KANSL1L: variants seen among roughly 807,000 people sequenced by gnomAD.
The protein encoded by KANSL1L is KAT8 regulatory NSL complex subunit 1-like protein.
Under a neutral mutation model 108.6 loss-of-function variants are expected in KANSL1L, and 25 were observed. That is an observed-to-expected ratio of 0.23 (90% CI 0.17 to 0.32). KANSL1L has a LOEUF of 0.32. Among genes scored for constraint, KANSL1L ranks in the 10% least tolerant of loss-of-function variants. The probability of loss-of-function intolerance (pLI) is 1.00; values close to 1 mark genes in which losing one functional copy is unlikely to be tolerated. For synonymous variants in KANSL1L, 405 were observed against 395.1 expected, an observed-to-expected ratio of 1.03 and a Z score of -0.30; for missense variants, 1,137 against 1,125.7, an observed-to-expected ratio of 1.01 and a Z score of -0.14.
chr2:210,024,252 G>A (rs772814257), intron 13 of KANSL1L, 51 bp from the exon 14 acceptor site: 2 of 1,404,360 alleles, frequency 1.4e-6, no homozygotes, highest in Admixed American at 4.6e-5. Flanking sequence ...TTGAGGTCTT[G>A]AAAATTTATG....
chr2:210,056,487 A>G (rs1241018656), intron 6 of KANSL1L, among the ~76,000 whole-genome samples: 1 of 152,030 alleles, frequency 6.6e-6, no homozygotes, highest in Non-Finnish European at 1.5e-5. Context: ...ACTGAGCTAA[A>G]TATCTTTTTT....
chr2:210,097,996 C>G, intron 5 of KANSL1L, 90 bp downstream of exon 5: 1 of 1,109,412 alleles, frequency 9.0e-7, no homozygotes, highest in Non-Finnish European at 1.3e-6. Flanking sequence ...AAAAAAGTAG[C>G]TATAATACTT....
chr2:210,067,010 G>A (rs943861714), intron 6 of KANSL1L, among the ~76,000 whole-genome samples: 2 of 152,154 alleles, frequency 1.3e-5, no homozygotes, highest in African/African-American at 2.4e-5. Context: ...ATGATAGCAC[G>A]AATAAAACAA....
intron 6 of KANSL1L, chr2:210,064,336 T>A (rs1183288058): frequency 6.6e-6 from 1 of 152,220 alleles, no homozygotes; most frequent in Non-Finnish European, 1.5e-5. Flanking sequence ...TAATAAATAT[T>A]AGCTATTATT....
chr2:210,152,968 G>A (rs1450994916), intron 2 of KANSL1L: 1 of 152,104 alleles, frequency 6.6e-6, no homozygotes, highest in African/African-American at 2.4e-5. Flanking sequence ...TAGAAAAGTT[G>A]AGTAAATTTA....
At chr2:210,055,370 A>C (rs190394341) in intron 6 of KANSL1L, among the ~76,000 whole-genome samples, 204 of 152,322 alleles carry the variant, frequency 1.3e-3, no homozygotes, top group Non-Finnish European at 2.3e-3. Flanking sequence ...TTGGTACTGC[A>C]AAGAGTGAGG....
intron 6 of KANSL1L, among the ~76,000 whole-genome samples, chr2:210,056,532 G>A (rs951812871): frequency 6.6e-6 from 1 of 152,246 alleles, no homozygotes; most frequent in Non-Finnish European, 1.5e-5. Flanking sequence ...CCAGGCTGGA[G>A]TGCAGTGGTA....
intron 5 of KANSL1L, among the ~76,000 whole-genome samples, chr2:210,079,648 A>ATATATATATGTATGTGTG (rs1553653242): frequency 2.0e-4 from 3 of 15,220 alleles, no homozygotes; most frequent in Non-Finnish European, 3.6e-4. Flanking sequence ...ATATATATAT[A>ATATATATATGTATGTGTG]TATATATATA....
chr2:210,163,350 A>T (rs948246121), intron 1 of KANSL1L, among the ~76,000 whole-genome samples: 1 of 152,214 alleles, frequency 6.6e-6, no homozygotes, highest in African/African-American at 2.4e-5. Flanking sequence ...AGAAATCAAA[A>T]ACACTGCAAC....
At chr2:210,124,856 G>T (rs2095052134) in intron 3 of KANSL1L, among the ~76,000 whole-genome samples, 1 of 152,070 alleles carries the variant, frequency 6.6e-6, no homozygotes, top group Non-Finnish European at 1.5e-5. Flanking sequence ...CAGATGACAA[G>T]AGAGTATTAT....
Position 210,060,022 on chromosome 2 carries a change from C to T in KANSL1L, c.1755+15530G>A, listed in dbSNP as rs368917667. 3.2e-4 allele frequency among the ~76,000 whole-genome samples: 49 copies of T among 152,230 alleles called. No homozygotes were observed. In the East Asian group the frequency reaches 5.0e-3, roughly 16 times the overall value. On this transcript the variant is annotated intron_variant, in intron 6 of 14. Coordinates refer to ENST00000281772, the MANE Select transcript of KANSL1L (RefSeq NM_152519.4). ...CCTCCCAAAGTGCTAGGATTACAGG[C>T]GTGAGCTATCATGCCCAGCTTCCAG...
chr2:210,116,613 A>T (rs1339769881), intron 3 of KANSL1L, among the ~76,000 whole-genome samples: 1 of 152,150 alleles, frequency 6.6e-6, no homozygotes, highest in Non-Finnish European at 1.5e-5. Flanking sequence ...AATCCAGAGA[A>T]TGCTTTTGGA....
intron 5 of KANSL1L, among the ~76,000 whole-genome samples, chr2:210,094,914 G>C (rs1265048816): frequency 6.6e-6 from 1 of 151,874 alleles, no homozygotes; most frequent in East Asian, 1.9e-4. Flanking sequence ...GAGGAGAGGA[G>C]GGGAGGGAAA....
At chr2:210,045,651 T>G (rs531704683) in intron 6 of KANSL1L, among the ~76,000 whole-genome samples, 1 of 152,332 alleles carries the variant, frequency 6.6e-6, no homozygotes, top group East Asian at 1.9e-4. Flanking sequence ...TTCTCCGAAT[T>G]CTCTCAGTTT....
intron 5 of KANSL1L, among the ~76,000 whole-genome samples, chr2:210,090,247 T>C (rs781542659): frequency 3.3e-5 from 5 of 152,170 alleles, no homozygotes; most frequent in Non-Finnish European, 7.3e-5. Flanking sequence ...CACACAACCA[T>C]ATACTGTCTC....
At chr2:210,127,972 A>G in intron 3 of KANSL1L, among the ~76,000 whole-genome samples, 1 of 152,108 alleles carries the variant, frequency 6.6e-6, no homozygotes, top group Admixed American at 6.6e-5. Context: ...GTACTTCTCC[A>G]AAGAAGATAT....
Position 210,058,253 on chromosome 2 carries a change from C to A in KANSL1L, c.1756-14149G>T, listed in dbSNP as rs532405513. ...GTGGGGATGAAATAAGCCCCAGTCTCCCGTAGCACTCCCAGGCTTATTAGG... is the reference window on the plus strand; with the variant it reads ...GTGGGGATGAAATAAGCCCCAGTCTACCGTAGCACTCCCAGGCTTATTAGG... On this transcript the variant is annotated intron_variant, in intron 6 of 14. Coordinates refer to ENST00000281772, the MANE Select transcript of KANSL1L (RefSeq NM_152519.4). Among the ~76,000 whole-genome samples the A allele has an allele frequency of 4.6e-5, 7 of 152,262 alleles. No individual in the cohort carries two copies. In the South Asian group the frequency reaches 1.5e-3, roughly 32 times the overall value.
intron 3 of KANSL1L, among the ~76,000 whole-genome samples, chr2:210,113,766 G>C (rs897534252): frequency 6.6e-6 from 1 of 152,112 alleles, no homozygotes; most frequent in South Asian, 2.1e-4. Flanking sequence ...AGAAATTCTA[G>C]AGCTGAAAAG....
chr2:210,100,462 C>T (rs1346466793), intron 4 of KANSL1L, among the ~76,000 whole-genome samples: 1 of 152,176 alleles, frequency 6.6e-6, no homozygotes, highest in African/African-American at 2.4e-5. Context: ...AAATGATAGT[C>T]TACAACTCAA....
Sources: gnomAD v4.1 joint callset for allele counts (sites outside exome capture counted in the v4.1 genomes callset) on GRCh38, gnomAD v4.1.1 for gene constraint, MANE v1.5 for transcripts, NCBI Gene and HGNC (gene_info 2026-07-23, HGNC 2026-07-21) for gene names.